The following HIBCH variants were observed in gnomAD, a reference collection of about 807,000 sequenced individuals.
HIBCH encodes 3-hydroxyisobutyryl-CoA hydrolase, mitochondrial.
Under a neutral mutation model 58.2 loss-of-function variants are expected in HIBCH, and 50 were observed. The observed-to-expected ratio is 0.86, with a 90% CI of 0.68 to 1.09. The LOEUF (loss-of-function observed/expected upper bound fraction) is 1.09. HIBCH is among the 50% of genes least tolerant of loss of function. The pLI is 0.00. For synonymous variants in HIBCH, 151 were observed against 146.9 expected, an observed-to-expected ratio of 1.03 and a Z score of -0.20; for missense variants, 450 against 449.7, an observed-to-expected ratio of 1.00 and a Z score of -0.01.
chr2:190,309,275 C>T (rs1379705678), intron 2 of HIBCH, among the ~76,000 whole-genome samples: 1 of 152,042 alleles, frequency 6.6e-6, no homozygotes, highest in Non-Finnish European at 1.5e-5. Context: ...TTTAGAATTG[C>T]AAATAAGAGA....
chr2:190,221,126 T>C lies in HIBCH; in HGVS notation c.892-8051A>G, dbSNP rs1403180261. Among the ~76,000 whole-genome samples the C allele has an allele frequency of 4.6e-5, 7 of 152,318 alleles. 1 individual carries two copies. The South Asian group carries it at 6.2e-4, about 14-fold the overall frequency. ...AAACACACACAAATAGGAAGAAAAC[T>C]TTATTTAAAAAGTTCTGTTGGTTCA... On this transcript the variant is annotated intron_variant, in intron 11 of 13. Coordinates refer to ENST00000359678, the MANE Select transcript of HIBCH (RefSeq NM_014362.4).
chr2:190,232,194 CA>C (rs201605638), intron 11 of HIBCH, among the ~76,000 whole-genome samples: 5 of 151,946 alleles, frequency 3.3e-5, no homozygotes, highest in African/African-American at 1.2e-4. Flanking sequence ...GACTCCATCT[CA>C]AAAAAATTTT....
At position 190,217,858 on chromosome 2, in the gene HIBCH, GAA is replaced by G. The variant is rs1324364841; in HGVS notation, c.892-4785_892-4784del. Among the ~76,000 whole-genome samples, 1 of 152,100 alleles carries G rather than the reference GAA, an allele frequency of 6.6e-6. No individual in the cohort carries two copies. The highest frequency in any genetic ancestry group is 1.5e-5 in the Non-Finnish European group (1 of 68,026). On this transcript the variant is annotated intron_variant, in intron 11 of 13. Transcript: ENST00000359678. This position sits in a 1 kb window ranked among gnomAD's most constrained non-coding sequence, Gnocchi z 4.6. ...GGTAAAAGAACCCCTGAAAGAAAGG[GAA>G]AAGAGTGAATAGGGAATGTATAAAT... is the stretch of plus-strand genomic sequence containing the variant.
At chr2:190,208,805 G>T in intron 13 of HIBCH, 75 bp downstream of exon 13, 1 of 1,317,262 alleles carries the variant, frequency 7.6e-7, no homozygotes, top group Non-Finnish European at 1.1e-6. Context: ...TGCATAATCT[G>T]TATCTTCTTT....
In HIBCH at chr2:190,237,642, A is replaced by G. The variant is rs1686317036; in HGVS notation, c.891+7245T>C. 2.6e-5 allele frequency among the ~76,000 whole-genome samples: 4 copies of G among 152,242 alleles called. 1 individual carries two copies. In the South Asian group the frequency reaches 8.3e-4, roughly 32 times the overall value. On this transcript the variant is annotated intron_variant, in intron 11 of 13. Coordinates refer to ENST00000359678, the MANE Select transcript of HIBCH (RefSeq NM_014362.4). ...ACTGCCAAACTGCATTCTTGCTGCAATGTGTAAGTTCTAGGTGCCCCACAT... is the reference window on the plus strand; with the variant it reads ...ACTGCCAAACTGCATTCTTGCTGCAGTGTGTAAGTTCTAGGTGCCCCACAT...
At chr2:190,266,498 A>C (rs1687240108) in intron 6 of HIBCH, among the ~76,000 whole-genome samples, 1 of 151,996 alleles carries the variant, frequency 6.6e-6, no homozygotes, top group Non-Finnish European at 1.5e-5. Context: ...CAGTGGCGTG[A>C]CCTTTACTCA....
chr2:190,212,203 C>T (rs1175328482), intron 12 of HIBCH, among the ~76,000 whole-genome samples: 1 of 152,208 alleles, frequency 6.6e-6, no homozygotes, highest in Non-Finnish European at 1.5e-5. Context: ...ATTTACATCC[C>T]TCAAGGAGTG....
intron 2 of HIBCH, among the ~76,000 whole-genome samples, chr2:190,309,385 T>G (rs1235019243): frequency 6.6e-6 from 1 of 152,178 alleles, no homozygotes; most frequent in East Asian, 1.9e-4. Flanking sequence ...ATCAGATGAC[T>G]TGTTATTTTT....
intron 2 of HIBCH, among the ~76,000 whole-genome samples, chr2:190,303,830 T>C (rs941547874): frequency 1.3e-5 from 2 of 152,156 alleles, no homozygotes; most frequent in African/African-American, 4.8e-5. Flanking sequence ...AATGATGTCA[T>C]GTAGATACCA....
rs529271816 is a variant in HIBCH at position 190,306,153 on chromosome 2, A to G, written c.78+4601T>C. Among the ~76,000 whole-genome samples, 57 of 152,298 alleles carry G rather than the reference A, an allele frequency of 3.7e-4. No homozygotes were observed. In the South Asian group the frequency reaches 0.011, roughly 29 times the overall value. On this transcript the variant is annotated intron_variant, in intron 2 of 13. Transcript: ENST00000359678. This position sits in a 1 kb window ranked among gnomAD's most constrained non-coding sequence, Gnocchi z 4.6. ...ACACACAGACAACCACCGAAAGTAT[A>G]ATATAGAACTTAGTCAATTACTATA... is the stretch of plus-strand genomic sequence containing the variant.
intron 1 of HIBCH, among the ~76,000 whole-genome samples, chr2:190,193,666 GTATA>G (rs1359014582): frequency 1.3e-5 from 2 of 152,108 alleles, no homozygotes; most frequent in Non-Finnish European, 2.9e-5. Context: ...CCTTTTAAAC[GTATA>G]TAGATGTCAT....
At chr2:190,191,928 CTG>C (rs965574395) in intron 1 of HIBCH, among the ~76,000 whole-genome samples, 2 of 150,912 alleles carry the variant, frequency 1.3e-5, no homozygotes, top group African/African-American at 4.9e-5. Context: ...AATCTTTTAA[CTG>C]TGTTTTTTTT....
Position 190,217,639 on chromosome 2 carries a change from C to A in HIBCH, c.892-4564G>T, listed in dbSNP as rs1317883786. ...CCTGTCATCCCTTAGGTTAAAAAAA[C>A]TTCTAACTCGAACCCTGCCTCTTGA... On this transcript the variant is annotated intron_variant, in intron 11 of 13. Transcript: ENST00000359678. The surrounding 1 kb of genome is among the most constrained non-coding windows in gnomAD (Gnocchi z 4.6). 6.6e-6 allele frequency among the ~76,000 whole-genome samples: 1 copy of A among 152,140 alleles called. No homozygotes were observed. The highest frequency in any genetic ancestry group is 2.4e-5 in the African/African-American group (1 of 41,438).
downstream of HIBCH, chr2:190,199,650 A>G (rs1333818674): frequency 1.6e-6 from 2 of 1,271,834 alleles, no homozygotes; most frequent in South Asian, 1.8e-5. Context: ...ATCATACACT[A>G]TTTTGCATTC....
chr2:190,264,066 C>T (rs947885732), intron 6 of HIBCH, among the ~76,000 whole-genome samples: 10 of 152,098 alleles, frequency 6.6e-5, no homozygotes, highest in African/African-American at 2.4e-4. Flanking sequence ...CATCTCTATA[C>T]CAGTCAAAGC....
chr2:190,299,739 G>C (rs1688211862), intron 2 of HIBCH, among the ~76,000 whole-genome samples: 1 of 152,114 alleles, frequency 6.6e-6, no homozygotes, highest in Non-Finnish European at 1.5e-5. Flanking sequence ...TTAAATTCAT[G>C]TCGTGGGGGT....
intron 13 of HIBCH, among the ~76,000 whole-genome samples, chr2:190,205,782 G>A (rs371732204): frequency 2.0e-5 from 3 of 152,092 alleles, no homozygotes; most frequent in Non-Finnish European, 4.4e-5. Context: ...TCATGAAACC[G>A]TCTAGTTCTC....
chr2:190,228,788 G>A (rs1686004785), intron 11 of HIBCH, among the ~76,000 whole-genome samples: 2 of 152,124 alleles, frequency 1.3e-5, no homozygotes, highest in Admixed American at 1.3e-4. Context: ...TATTGTCAAA[G>A]AGACAACTTC....
chr2:190,255,584 C>A (rs887051343), intron 7 of HIBCH, among the ~76,000 whole-genome samples: 1 of 152,106 alleles, frequency 6.6e-6, no homozygotes, highest in Non-Finnish European at 1.5e-5. Context: ...GAACATCAAG[C>A]AATAAAGAAA....
Sources: allele counts gnomAD v4.1 joint callset (sites outside exome capture counted in the v4.1 genomes callset), GRCh38; gene constraint gnomAD v4.1.1; non-coding constraint Gnocchi (gnomAD v3.1); transcripts MANE v1.5; gene names NCBI Gene and HGNC (gene_info 2026-07-23, HGNC 2026-07-21).